ZDHHC15: variants seen among roughly 807,000 people sequenced by gnomAD.
ZDHHC15 encodes zDHHC palmitoyltransferase 15.
In ZDHHC15, 19 loss-of-function variants were observed where a neutral mutation model predicts 31.7. That is an observed-to-expected ratio of 0.60 (90% CI 0.42 to 0.88). The LOEUF (loss-of-function observed/expected upper bound fraction) is 0.88, where lower values mean the gene tolerates loss of function less well. ZDHHC15 is among the 40% of genes least tolerant of loss of function. The pLI is 0.00. For synonymous variants in ZDHHC15, 103 were observed against 90.0 expected, an observed-to-expected ratio of 1.14 and a Z score of -0.82; for missense variants, 209 against 251.2, an observed-to-expected ratio of 0.83 and a Z score of 1.14.
chrX:75,440,372 C>T (rs374885356), intron 4 of ZDHHC15, among the ~76,000 whole-genome samples: 7 of 111,328 alleles, frequency 6.3e-5, no homozygotes, highest in East Asian at 2.8e-4. Flanking sequence ...CTCCGCCTTC[C>T]GGGTTCATGC....
Position 75,425,696 on chromosome X carries a change from C to A in ZDHHC15, c.604-912G>T, listed in dbSNP as rs1049411899. On this transcript the variant is annotated intron_variant, in intron 7 of 11. Coordinates refer to ENST00000373367, the MANE Select transcript of ZDHHC15 (RefSeq NM_144969.3). ...TCACTTTGAAATATTTCCAATTGCT[C>A]TCTAGTAATAAAGTTAAATGTGATT... is the stretch of plus-strand genomic sequence containing the variant. Among the ~76,000 whole-genome samples, 8 of 111,633 alleles carry A rather than the reference C, an allele frequency of 7.2e-5. No individual in the cohort carries two copies. In the Admixed American group the frequency reaches 7.7e-4, roughly 11 times the overall value.
chrX:75,472,208 G>C (rs2084513262), intron 3 of ZDHHC15, among the ~76,000 whole-genome samples: 2 of 111,687 alleles, frequency 1.8e-5, no homozygotes, highest in Non-Finnish European at 3.8e-5. Flanking sequence ...ATGGCCTCAT[G>C]GGGGGTTCAC....
chrX:75,409,071 C>T (rs969195361), intron 10 of ZDHHC15, among the ~76,000 whole-genome samples: 14 of 112,049 alleles, frequency 1.2e-4, no homozygotes, highest in African/African-American at 4.5e-4. Flanking sequence ...ATACCAATGG[C>T]ATTCTTCACA....
intron 9 of ZDHHC15, among the ~76,000 whole-genome samples, chrX:75,418,327 A>C (rs933223178): frequency 9.0e-6 from 1 of 111,673 alleles, no homozygotes; most frequent in Non-Finnish European, 1.9e-5. Context: ...CCCTACCCCC[A>C]ACAAAGTTAC....
intron 10 of ZDHHC15, among the ~76,000 whole-genome samples, chrX:75,408,975 G>A (rs2083451064): frequency 8.9e-6 from 1 of 112,241 alleles, no homozygotes; most frequent in Non-Finnish European, 1.9e-5. Flanking sequence ...AATATTTCAT[G>A]TGCATGGATT....
chrX:75,458,848 G>A (rs1341420069), intron 3 of ZDHHC15, among the ~76,000 whole-genome samples: 1 of 109,537 alleles, frequency 9.1e-6, no homozygotes, highest in African/African-American at 3.3e-5. Context: ...TCATGGAGAG[G>A]AATGAAAGTA....
intron 1 of ZDHHC15, among the ~76,000 whole-genome samples, chrX:75,520,549 G>A (rs1382046800): frequency 1.8e-5 from 2 of 111,289 alleles, no homozygotes; most frequent in South Asian, 3.8e-4. Flanking sequence ...GCTCATATGA[G>A]TCAATACTGA....
In ZDHHC15 at chrX:75,379,115, C is replaced by A. The variant is rs1320602630; in HGVS notation, c.*32+5G>T. On this transcript the variant is annotated splice_donor_5th_base_variant and intron_variant, in intron 11 of 11. Coordinates refer to ENST00000373367, the MANE Select transcript of ZDHHC15 (RefSeq NM_144969.3). ...CACTGTATGTGTCTCCCTCAGAATA[C>A]TGACCTGTCTGAGAGATGCAGGAAA... is the stretch of plus-strand genomic sequence containing the variant. The A allele has an allele frequency of 2.5e-6, 3 of 1,202,279 alleles. No homozygotes were observed. The South Asian group carries it at 5.3e-5, about 21-fold the overall frequency.
At chrX:75,516,983 A>G (rs1415362605) in intron 1 of ZDHHC15, among the ~76,000 whole-genome samples, 3 of 112,702 alleles carry the variant, frequency 2.7e-5, no homozygotes, top group Non-Finnish European at 5.6e-5. Flanking sequence ...GATACATGAA[A>G]AAATGCTCAT....
At chrX:75,441,117 G>A (rs1459931031) in intron 4 of ZDHHC15, among the ~76,000 whole-genome samples, 2 of 112,132 alleles carry the variant, frequency 1.8e-5, no homozygotes, top group Non-Finnish European at 3.8e-5. Context: ...AAAGCAAGCA[G>A]GGCTTTCAGG....
chrX:75,503,074 G>C (rs1023610764), intron 2 of ZDHHC15, among the ~76,000 whole-genome samples: 3 of 110,024 alleles, frequency 2.7e-5, no homozygotes, highest in African/African-American at 9.9e-5. Context: ...ATTACACATT[G>C]TATGCCCATA....
At chrX:75,433,723 CA>C (rs2083814427) in intron 4 of ZDHHC15, among the ~76,000 whole-genome samples, 1 of 103,096 alleles carries the variant, frequency 9.7e-6, no homozygotes, top group Non-Finnish European at 2.0e-5. Context: ...ATATATGTAA[CA>C]TTTTCTTTAT....
chrX:75,424,444 T>G (rs2083687151), intron 8 of ZDHHC15, among the ~76,000 whole-genome samples: 2 of 111,430 alleles, frequency 1.8e-5, no homozygotes, highest in Admixed American at 9.6e-5. Flanking sequence ...TGGGGTTTCA[T>G]TAAAAAATAT....
intron 3 of ZDHHC15, among the ~76,000 whole-genome samples, chrX:75,473,695 T>C (rs2084541624): frequency 9.0e-6 from 1 of 111,597 alleles, no homozygotes; most frequent in Non-Finnish European, 1.9e-5. Flanking sequence ...AAGGTGGTCA[T>C]CAATACCAGC....
intron 9 of ZDHHC15, among the ~76,000 whole-genome samples, chrX:75,421,386 GTATATATATATAT>G (rs2083625988): frequency 1.5e-3 from 4 of 2,594 alleles, no homozygotes; most frequent in African/African-American, 3.2e-3. Flanking sequence ...CAGTATGTGT[GTATATATATATAT>G]TATATATATA....
intron 10 of ZDHHC15, among the ~76,000 whole-genome samples, chrX:75,401,979 C>A (rs1338460235): frequency 8.9e-6 from 1 of 112,289 alleles, no homozygotes; most frequent in Non-Finnish European, 1.9e-5. Flanking sequence ...AAATCAGCCA[C>A]ATAGATGGAC....
chrX:75,462,823 G>T (rs1602668382), intron 3 of ZDHHC15, among the ~76,000 whole-genome samples: 1 of 111,016 alleles, frequency 9.0e-6, no homozygotes, highest in Non-Finnish European at 1.9e-5. Flanking sequence ...AAGCTAGAAA[G>T]ATCTCAAATT....
intron 10 of ZDHHC15, among the ~76,000 whole-genome samples, chrX:75,382,138 T>A (rs756800057): frequency 4.5e-5 from 5 of 112,256 alleles, no homozygotes; most frequent in Non-Finnish European, 9.4e-5. Flanking sequence ...TGTGTTAGAT[T>A]GTCTTTCCCT....
chrX:75,514,118 A>C (rs1202673691), intron 1 of ZDHHC15, among the ~76,000 whole-genome samples: 1 of 113,125 alleles, frequency 8.8e-6, no homozygotes, highest in African/African-American at 3.2e-5. Flanking sequence ...AGAAATGCCA[A>C]AGGGCATTCT....
Sources: allele counts gnomAD v4.1 joint callset (sites outside exome capture counted in the v4.1 genomes callset), GRCh38; gene constraint gnomAD v4.1.1; transcripts MANE v1.5; gene names NCBI Gene and HGNC (gene_info 2026-07-23, HGNC 2026-07-21).